The following OTUD7A variants were observed in gnomAD, a reference collection of about 807,000 sequenced individuals.
OTUD7A encodes OTU deubiquitinase 7A.
OTUD7A carries 12 observed loss-of-function variants against 65.7 expected under a neutral mutation model. The ratio of observed to expected loss-of-function variants is 0.18; its 90% confidence interval spans 0.12 to 0.30. OTUD7A has a LOEUF of 0.30. Among genes scored for constraint, OTUD7A ranks in the 10% least tolerant of loss-of-function variants. OTUD7A has a pLI of 1.00. For synonymous variants in OTUD7A, 641 were observed against 586.3 expected, an observed-to-expected ratio of 1.09 and a Z score of -1.35; for missense variants, 1,148 against 1,304.8, an observed-to-expected ratio of 0.88 and a Z score of 1.85.
At chr15:31,565,534 A>C (rs1566922906) in intron 4 of OTUD7A, among the ~76,000 whole-genome samples, 2 of 152,238 alleles carry the variant, frequency 1.3e-5, no homozygotes, top group Admixed American at 6.5e-5. Flanking sequence ...AAATTAAATA[A>C]AAATCCATTC....
chr15:31,674,305 G>T (rs1036775236), intron 1 of OTUD7A, among the ~76,000 whole-genome samples: 12 of 152,314 alleles, frequency 7.9e-5, no homozygotes, highest in Admixed American at 2.0e-4. Flanking sequence ...CCAGCCCTGG[G>T]GGCTGCCAGG....
intron 1 of OTUD7A, among the ~76,000 whole-genome samples, chr15:31,732,011 G>A (rs1894057885): frequency 1.3e-5 from 2 of 152,304 alleles, no homozygotes; most frequent in South Asian, 4.1e-4. Context: ...CAACCAGGAG[G>A]AGGGAGATAC....
rs148246951 is a variant in OTUD7A at position 31,654,540 on chromosome 15, G to C, written c.151+556C>G. Among the ~76,000 whole-genome samples the C allele has an allele frequency of 3.4e-3, 511 of 152,154 alleles. 3 individuals carry two copies. Among genetic ancestry groups the C allele is most frequent in the African/African-American group, 0.012 (494 of 41,512 alleles). On this transcript the variant is annotated intron_variant, in intron 3 of 12. Transcript: ENST00000307050. ...ACACAGCTGACTGTCCTGAGAAGTT[G>C]TAACTGGTCCCTCCCACCTTTACAT...
At chr15:31,551,242 A>G (rs546290009) in intron 5 of OTUD7A, among the ~76,000 whole-genome samples, 1 of 152,306 alleles carries the variant, frequency 6.6e-6, no homozygotes, top group African/African-American at 2.4e-5. Context: ...TCTAACATCC[A>G]GCAGAACCTA....
chr15:31,568,837 C>T (rs958778213), intron 4 of OTUD7A, among the ~76,000 whole-genome samples: 4 of 152,200 alleles, frequency 2.6e-5, no homozygotes, highest in Admixed American at 6.5e-5. Context: ...CTCTCCTGCT[C>T]CTACCCTGGC....
chr15:31,484,860 T>G lies in OTUD7A; in HGVS notation c.1372-136A>C. 2.1e-6 allele frequency: 3 copies of G among 1,425,472 alleles called. No homozygotes were observed. Among genetic ancestry groups the G allele is most frequent in the Non-Finnish European group, 2.8e-6 (3 of 1,081,902 alleles). The allele number at this position is 1,425,472 out of a possible 1,614,324, so 88.3% of individuals were successfully genotyped here. A position where few individuals can be genotyped will look rare whatever the true frequency, so the allele number is the denominator to read the frequency against. On this transcript the variant is annotated intron_variant, in intron 12 of 12. Transcript: ENST00000307050. The surrounding 1 kb of genome is among the most constrained non-coding windows in gnomAD (Gnocchi z 4.5). Reference sequence around the variant, plus strand: ...TCACTGTCCCAGTCCCCACTGTCGCTCTGGTGACTGTGACATCCGGATGGG... The same window carrying G: ...TCACTGTCCCAGTCCCCACTGTCGCGCTGGTGACTGTGACATCCGGATGGG...
intron 1 of OTUD7A, among the ~76,000 whole-genome samples, chr15:31,801,124 C>T (rs907382960): frequency 6.7e-6 from 1 of 150,012 alleles, no homozygotes; most frequent in Non-Finnish European, 1.5e-5. Flanking sequence ...TTCCCAGAAA[C>T]TCCACACTGC....
chr15:31,722,371 T>C (rs1164178980), intron 1 of OTUD7A, among the ~76,000 whole-genome samples: 1 of 152,232 alleles, frequency 6.6e-6, no homozygotes, highest in African/African-American at 2.4e-5. Context: ...ACAAGGCTTC[T>C]TGGTAGATAT....
chr15:31,543,885 T>C (rs1040307091), intron 5 of OTUD7A, among the ~76,000 whole-genome samples: 3 of 151,764 alleles, frequency 2.0e-5, no homozygotes, highest in Admixed American at 6.6e-5. Flanking sequence ...GTGAAAAACA[T>C]AATAAATGAC....
At chr15:31,651,572 AACACACACACACACACACAC>A (rs60554390) in intron 3 of OTUD7A, among the ~76,000 whole-genome samples, 1 of 140,802 alleles carries the variant, frequency 7.1e-6, no homozygotes, top group Non-Finnish European at 1.5e-5. Context: ...AATCCCAAGG[AACACACACACACACACACAC>A]ACACACACAC....
At chr15:31,552,052 C>T (rs888478665) in intron 5 of OTUD7A, among the ~76,000 whole-genome samples, 3 of 152,186 alleles carry the variant, frequency 2.0e-5, no homozygotes, top group African/African-American at 7.2e-5. Context: ...GTGCCATCCT[C>T]GCAGTAATGA....
Position 31,616,648 on chromosome 15 carries a change from G to A in OTUD7A, c.151+38448C>T, listed in dbSNP as rs1447435945. Reference sequence around the variant, plus strand: ...AAACCTCCACCTCCCAGGCTCAAGCGATTCTCCTGCCTCAGCCTCCCGAGT... The same window carrying A: ...AAACCTCCACCTCCCAGGCTCAAGCAATTCTCCTGCCTCAGCCTCCCGAGT... On this transcript the variant is annotated intron_variant, in intron 3 of 12. Coordinates refer to ENST00000307050, the MANE Select transcript of OTUD7A (RefSeq NM_001382637.1). 3.3e-5 allele frequency among the ~76,000 whole-genome samples: 5 copies of A among 152,204 alleles called. No homozygotes were observed. The East Asian group carries it at 9.7e-4, about 29-fold the overall frequency.
chr15:31,860,239 A>C (rs1157158815), intron 1 of OTUD7A, among the ~76,000 whole-genome samples: 1 of 152,178 alleles, frequency 6.6e-6, no homozygotes, highest in Admixed American at 6.5e-5. Context: ...TAATCAGTAA[A>C]TTATCTGGTT....
chr15:31,485,164 G>A (rs1330149536), intron 12 of OTUD7A, among the ~76,000 whole-genome samples: 1 of 152,174 alleles, frequency 6.6e-6, no homozygotes, highest in Non-Finnish European at 1.5e-5. Flanking sequence ...CCGCCTGCTT[G>A]ACCAGACACA....
chr15:31,604,865 G>C (rs916157901), intron 3 of OTUD7A, among the ~76,000 whole-genome samples: 3 of 152,164 alleles, frequency 2.0e-5, no homozygotes, highest in African/African-American at 7.2e-5. Context: ...CTGTGCCCTG[G>C]AGTCCAGACT....
chr15:31,567,704 T>G (rs1372499964), intron 4 of OTUD7A, among the ~76,000 whole-genome samples: 6 of 152,212 alleles, frequency 3.9e-5, no homozygotes, highest in Non-Finnish European at 1.5e-5. Flanking sequence ...ACAGGCCTAG[T>G]TGGAAAGAAT....
chr15:31,626,576 CAG>C (rs1890959483), intron 3 of OTUD7A, among the ~76,000 whole-genome samples: 1 of 152,026 alleles, frequency 6.6e-6, no homozygotes, highest in African/African-American at 2.4e-5. Flanking sequence ...CTCAGAAAAT[CAG>C]AATATAATTT....
rs772716163 is a variant in OTUD7A at position 31,527,214 on chromosome 15, C to T, written c.747G>A (p.Arg249=). 3.7e-6 allele frequency: 6 copies of T among 1,614,214 alleles called. No homozygotes were observed. Among genetic ancestry groups the T allele is most frequent in the East Asian group, 2.2e-5 (1 of 44,890 alleles). Residue 249 remains arginine, a synonymous_variant, in exon 7 of 13, where the codon AGG becomes AGA. Coordinates refer to ENST00000307050, the MANE Select transcript of OTUD7A (RefSeq NM_001382637.1). ...TGAEREALKR[R]WRWQQTQQNK... is the part of the protein sequence containing the mutation. ...TCTGCTGCGTCTGCTGCCACCTCCACCTCCGCTTCAGGGCTTCCCTCTCAG... is the reference window on the plus strand; with the variant it reads ...TCTGCTGCGTCTGCTGCCACCTCCATCTCCGCTTCAGGGCTTCCCTCTCAG...
intron 1 of OTUD7A, among the ~76,000 whole-genome samples, chr15:31,702,380 G>A (rs1254431644): frequency 1.4e-5 from 2 of 146,580 alleles, no homozygotes; most frequent in Non-Finnish European, 3.0e-5. Context: ...CAAGGACTCT[G>A]AAAACTTTTA....
Sources: gnomAD v4.1 joint callset for allele counts (sites outside exome capture counted in the v4.1 genomes callset) on GRCh38, gnomAD v4.1.1 for gene constraint, Gnocchi (gnomAD v3.1) non-coding constraint, MANE v1.5 for transcripts, NCBI Gene and HGNC (gene_info 2026-07-23, HGNC 2026-07-21) for gene names.